DPYD: variants seen among roughly 807,000 people sequenced by gnomAD.
The protein encoded by DPYD is dihydropyrimidine dehydrogenase [NADP(+)].
A neutral mutation model predicts 116.2 loss-of-function variants in DPYD; 109 were observed. The ratio of observed to expected loss-of-function variants is 0.94; its 90% CI spans 0.80 to 1.10. The LOEUF (loss-of-function observed/expected upper bound fraction) is 1.10, where lower values mean the gene tolerates loss of function less well. Among genes scored for constraint, DPYD ranks in the 50% least tolerant of loss-of-function variants. The pLI, the probability that DPYD is intolerant of heterozygous loss-of-function variation, is 0.00. For synonymous variants in DPYD, 440 were observed against 432.0 expected (o/e 1.02, Z -0.23); for missense variants, 1,302 against 1,254.5 (o/e 1.04, Z -0.57).
intron 8 of DPYD, among the ~76,000 whole-genome samples, chr1:97,651,056 C>T (rs1041849623): frequency 5.3e-5 from 8 of 152,050 alleles, no homozygotes; most frequent in African/African-American, 1.9e-4. Flanking sequence ...CAATTAAGAC[C>T]TCAAACCTTG....
rs574213651 is a variant in DPYD, at chr1:97,202,799, C to G, written c.2443-9551G>C. Among the ~76,000 whole-genome samples, 25 of 152,234 alleles carry G rather than the reference C, an allele frequency of 1.6e-4. No individual in the cohort carries two copies. In the South Asian group the frequency reaches 5.2e-3, roughly 32 times the overall value. On this transcript the variant is annotated intron_variant, in intron 19 of 22. Transcript: ENST00000370192. ...CTCAGATCTCAATAATGACTGCAAC[C>G]AAGAAATAATAATAAGAACCATACA...
intron 3 of DPYD, among the ~76,000 whole-genome samples, chr1:97,775,472 A>C (rs1666347120): frequency 6.6e-6 from 1 of 152,196 alleles, no homozygotes; most frequent in Non-Finnish European, 1.5e-5. Flanking sequence ...TGACTAGATA[A>C]TAGTAAACTA....
chr1:97,132,968 T>C (rs1280347658), intron 20 of DPYD, among the ~76,000 whole-genome samples: 1 of 152,096 alleles, frequency 6.6e-6, no homozygotes, highest in African/African-American at 2.4e-5. Flanking sequence ...TTTCTTAATA[T>C]AACATGAATA....
intron 14 of DPYD, among the ~76,000 whole-genome samples, chr1:97,431,432 C>T (rs558347592): frequency 3.0e-4 from 45 of 152,240 alleles, no homozygotes; most frequent in Admixed American, 1.5e-3. Flanking sequence ...ATGATTTCTG[C>T]TCCAATCTCT....
At chr1:97,554,487 T>A (rs906405116) in intron 11 of DPYD, among the ~76,000 whole-genome samples, 2 of 152,026 alleles carry the variant, frequency 1.3e-5, no homozygotes, top group Non-Finnish European at 2.9e-5. Context: ...GATGAATTCA[T>A]CTATGTCCTT....
chr1:97,345,920 C>T (rs1669817820), intron 16 of DPYD, among the ~76,000 whole-genome samples: 1 of 151,822 alleles, frequency 6.6e-6, no homozygotes, highest in African/African-American at 2.4e-5. Context: ...ACTTTCCCAA[C>T]ATGTTGCAAG....
chr1:97,166,787 T>C (rs188349267), intron 20 of DPYD, among the ~76,000 whole-genome samples: 2 of 152,290 alleles, frequency 1.3e-5, no homozygotes, highest in Non-Finnish European at 2.9e-5. Flanking sequence ...CCAGAAATTA[T>C]ATTTTATGTT....
rs563919037 is a variant in DPYD, at chr1:97,259,995, A to G, written c.2300-25001T>C. Among the ~76,000 whole-genome samples the G allele has an allele frequency of 5.9e-5, 9 of 152,208 alleles. No homozygotes were observed. The South Asian group carries it at 1.5e-3, about 25-fold the overall frequency. ...TAATGCAATGAAAGGTCTTCACAAG[A>G]AAAAAAATTATGTTTTCACCTTTTT... On this transcript the variant is annotated intron_variant, in intron 18 of 22. Coordinates refer to ENST00000370192, the MANE Select transcript of DPYD (RefSeq NM_000110.4).
At chr1:97,527,473 A>G (rs1649233090) in intron 12 of DPYD, among the ~76,000 whole-genome samples, 1 of 152,190 alleles carries the variant, frequency 6.6e-6, no homozygotes, top group Non-Finnish European at 1.5e-5. Flanking sequence ...GTTTGATTGA[A>G]CACACAGAGT....
rs539067097 is a variant in DPYD at position 97,703,579 on chromosome 1, G to A, written c.484-4032C>T. Among the ~76,000 whole-genome samples, 25 of 151,904 alleles carry A rather than the reference G, an allele frequency of 1.6e-4. No homozygotes were observed. In the South Asian group the frequency reaches 4.8e-3, roughly 29 times the overall value. Reference sequence around the variant, plus strand: ...ATAGTGTCCAAGACGGAATCCACTAGCCACATTTGATTAAGTTCAAATTAA... The same window carrying A: ...ATAGTGTCCAAGACGGAATCCACTAACCACATTTGATTAAGTTCAAATTAA... On this transcript the variant is annotated intron_variant, in intron 5 of 22. Coordinates refer to ENST00000370192, the MANE Select transcript of DPYD (RefSeq NM_000110.4).
chr1:97,909,451 C>G (rs75567873), intron 1 of DPYD, among the ~76,000 whole-genome samples: 1,602 of 152,204 alleles, frequency 0.011, 20 homozygotes, highest in African/African-American at 0.035. Context: ...ATTTTCTGTT[C>G]CCCTTTACAG....
chr1:97,646,076 G>C (rs1658242128), intron 8 of DPYD, among the ~76,000 whole-genome samples: 3 of 151,988 alleles, frequency 2.0e-5, no homozygotes, highest in Admixed American at 6.6e-5. Flanking sequence ...AAATACAAAA[G>C]TTTTCCTAGG....
At chr1:97,715,570 T>C (rs1276667587) in intron 5 of DPYD, among the ~76,000 whole-genome samples, 1 of 152,124 alleles carries the variant, frequency 6.6e-6, no homozygotes. Context: ...GGTATTCACA[T>C]AAGCCAGTTT....
At chr1:97,783,949 G>A (rs1180725992) in intron 3 of DPYD, among the ~76,000 whole-genome samples, 1 of 152,150 alleles carries the variant, frequency 6.6e-6, no homozygotes, top group African/African-American at 2.4e-5. Context: ...CCTCAGCAGA[G>A]GCAAGTTCAG....
chr1:97,719,013 T>A (rs1459746086), intron 5 of DPYD, among the ~76,000 whole-genome samples: 2 of 151,610 alleles, frequency 1.3e-5, no homozygotes, highest in African/African-American at 2.4e-5. Flanking sequence ...GGAAAAAAAG[T>A]GCCTCCTAGA....
intron 8 of DPYD, among the ~76,000 whole-genome samples, chr1:97,652,248 A>G (rs998536184): frequency 9.8e-5 from 15 of 152,302 alleles, no homozygotes; most frequent in African/African-American, 3.1e-4. Context: ...ATTTTCTCTT[A>G]AAAAATTCTC....
chr1:97,262,949 C>T (rs1438821422), intron 18 of DPYD, among the ~76,000 whole-genome samples: 4 of 152,040 alleles, frequency 2.6e-5, no homozygotes, highest in Admixed American at 2.6e-4. Flanking sequence ...TAAAGTATCA[C>T]CTACAAAGCC....
intron 12 of DPYD, among the ~76,000 whole-genome samples, chr1:97,531,387 G>A (rs1159222852): frequency 6.6e-6 from 1 of 151,962 alleles, no homozygotes; most frequent in African/African-American, 2.4e-5. Flanking sequence ...TCCTTTCCCC[G>A]CTATGCATTC....
At chr1:97,903,107 A>G (rs1041511695) in intron 1 of DPYD, among the ~76,000 whole-genome samples, 1 of 151,936 alleles carries the variant, frequency 6.6e-6, no homozygotes, top group Non-Finnish European at 1.5e-5. Flanking sequence ...AATTACAAAC[A>G]GTGTGGGTTG....
Sources: allele counts gnomAD v4.1 joint callset (sites outside exome capture counted in the v4.1 genomes callset), GRCh38; gene constraint gnomAD v4.1.1; transcripts MANE v1.5; gene names NCBI Gene and HGNC (gene_info 2026-07-23, HGNC 2026-07-21).